Variants in ZNF124 observed in about 807,000 individuals in gnomAD.
The protein encoded by ZNF124 is zinc finger protein HZF-16.
A neutral mutation model predicts 26.6 loss-of-function variants in ZNF124; 25 were observed. The ratio of observed to expected loss-of-function variants is 0.94; its 90% CI spans 0.68 to 1.31. The LOEUF (loss-of-function observed/expected upper bound fraction) is 1.31. Among genes scored for constraint, ZNF124 ranks in the 40% most tolerant of loss-of-function variants. ZNF124 has a pLI of 0.00. For synonymous variants in ZNF124, 129 were observed against 133.3 expected (o/e 0.97, Z 0.22); for missense variants, 444 against 422.2 (o/e 1.05, Z -0.45).
chr1:247,150,620 G>T (rs969996635), downstream of ZNF124, among the ~76,000 whole-genome samples: 5 of 151,130 alleles, frequency 3.3e-5, no homozygotes, highest in Non-Finnish European at 5.9e-5. Context: ...AATAGAGAAA[G>T]ATTTCTTAAA....
rs1673125683 is a variant in ZNF124, at chr1:247,156,277, AGTTAT to A, written c.*284_*288del. Reference sequence around the variant, plus strand: ...CTTCATAAAGTTTTTCTCTAGAATGAGTTATGTTATACCATCAAATACCACTGGAA... The same window carrying A: ...CTTCATAAAGTTTTTCTCTAGAATGAGTTATACCATCAAATACCACTGGAA... On this transcript the variant is annotated 3_prime_UTR_variant, in exon 4 of 4. Transcript: ENST00000543802. 1 of 1,105,048 alleles carries A rather than the reference AGTTAT, an allele frequency of 9.0e-7. No individual in the cohort carries two copies. The highest frequency in any genetic ancestry group is 1.6e-5 in the African/African-American group (1 of 61,574). The allele number at this position is 1,105,048 out of a possible 1,614,324, so 68.5% of individuals were successfully genotyped here.
At chr1:247,146,895 A>AC (rs145031563) in intron 3 of ZNF124, among the ~76,000 whole-genome samples, 5,437 of 152,264 alleles carry the variant, frequency 0.036, 117 homozygotes, top group Non-Finnish European at 0.046. Flanking sequence ...TAGAACAGGT[A>AC]CCGGGGGGTA....
At chr1:247,154,063 C>CT, downstream of ZNF124, among the ~76,000 whole-genome samples, 1 of 152,290 alleles carries the variant, frequency 6.6e-6, no homozygotes, top group East Asian at 1.9e-4. Flanking sequence ...AGGCAACTGT[C>CT]TGAGATACCT....
At position 247,155,955 on chromosome 1, in the gene ZNF124, T is replaced by G; in HGVS notation, c.*611A>C. The stretch of plus-strand genomic sequence containing the variant: ...ACTCTCTTCAAAAATGAGCAACCAA[T>G]ATATTCAATTTATTTATAGCTCCTA... On this transcript the variant is annotated 3_prime_UTR_variant, in exon 4 of 4. Coordinates refer to ENST00000543802, the MANE Select transcript of ZNF124 (RefSeq NM_001297568.2). 2 of 939,474 alleles carry G rather than the reference T, an allele frequency of 2.1e-6. No individual in the cohort carries two copies. Among genetic ancestry groups the G allele is most frequent in the Non-Finnish European group, 2.5e-6 (2 of 789,840 alleles). The allele number at this position is 939,474 out of a possible 1,614,324, so 58.2% of individuals were successfully genotyped here. A position where few individuals can be genotyped will look rare whatever the true frequency, so the allele number is the denominator to read the frequency against.
At chr1:247,163,037 TA>T (rs1284358369) in intron 1 of ZNF124, among the ~76,000 whole-genome samples, 1 of 152,010 alleles carries the variant, frequency 6.6e-6, no homozygotes, top group Non-Finnish European at 1.5e-5. Flanking sequence ...CATTCAGCCA[TA>T]AAACAATCCT....
At chr1:247,139,958 A>T (rs1416507511) in intron 3 of ZNF124, among the ~76,000 whole-genome samples, 1 of 151,998 alleles carries the variant, frequency 6.6e-6, no homozygotes, top group Admixed American at 6.6e-5. Flanking sequence ...AAATCTGATT[A>T]TTGTGTGTCT....
At chr1:247,142,101 A>G (rs1366376216) in intron 3 of ZNF124, among the ~76,000 whole-genome samples, 1 of 152,224 alleles carries the variant, frequency 6.6e-6, no homozygotes, top group Non-Finnish European at 1.5e-5. Context: ...GGAGAAAGAT[A>G]GGACCAGCCC....
At chr1:247,144,552 T>C (rs1196726026) in intron 3 of ZNF124, among the ~76,000 whole-genome samples, 1 of 151,972 alleles carries the variant, frequency 6.6e-6, no homozygotes, top group African/African-American at 2.4e-5. Context: ...CGTAGCTTTA[T>C]ATTCCACTTT....
intron 3 of ZNF124, among the ~76,000 whole-genome samples, chr1:247,158,173 C>A (rs1673261787): frequency 6.6e-6 from 1 of 152,082 alleles, no homozygotes; most frequent in Non-Finnish European, 1.5e-5. Context: ...TCACTTGAAC[C>A]CGGGAGGCGG....
At chr1:247,135,985 T>C (rs1233039209) in intron 3 of ZNF124, among the ~76,000 whole-genome samples, 4 of 152,188 alleles carry the variant, frequency 2.6e-5, no homozygotes, top group Admixed American at 2.6e-4. Context: ...CATCCTCTCA[T>C]GTTAAAAACT....
intron 3 of ZNF124, among the ~76,000 whole-genome samples, chr1:247,136,572 A>G (rs1572061278): frequency 6.6e-6 from 1 of 152,244 alleles, no homozygotes; most frequent in Non-Finnish European, 1.5e-5. Flanking sequence ...ACACTGCCCA[A>G]AGTAATTTAC....
intron 3 of ZNF124, among the ~76,000 whole-genome samples, chr1:247,127,751 C>T (rs1052131993): frequency 6.7e-6 from 1 of 149,224 alleles, no homozygotes; most frequent in Admixed American, 6.9e-5. Flanking sequence ...TCACGCGGAC[C>T]CCCTTAGAGC....
intron 3 of ZNF124, among the ~76,000 whole-genome samples, chr1:247,145,489 C>T (rs7531763): frequency 0.48 from 72,194 of 151,920 alleles, 20,705 homozygotes; most frequent in African/African-American, 0.81. Flanking sequence ...GCCTCCCACA[C>T]TGTGAGACAA....
At chr1:247,137,243 C>T (rs1166289736) in intron 3 of ZNF124, among the ~76,000 whole-genome samples, 2 of 151,252 alleles carry the variant, frequency 1.3e-5, no homozygotes, top group Admixed American at 6.6e-5. Context: ...GAAAACTAGC[C>T]AGCCATATGC....
At chr1:247,148,118 T>A in intron 3 of ZNF124, among the ~76,000 whole-genome samples, 1 of 152,248 alleles carries the variant, frequency 6.6e-6, no homozygotes, top group East Asian at 1.9e-4. Context: ...CTTTGTGGAC[T>A]CCTCATTCTT....
At position 247,157,126 on chromosome 1, in the gene ZNF124, T is replaced by C. The variant is rs769348775; in HGVS notation, c.496A>G (p.Asn166Asp). 1.5e-5 allele frequency: 25 copies of C among 1,613,736 alleles called. No individual in the cohort carries two copies. In the South Asian group the frequency reaches 2.6e-4, roughly 17 times the overall value. ...GKALGFSRSL[N>D]RHKRIHTGEK... ...CCAGTGTGAATCCTTTTATGTCTAT[T>C]AAGAGAACGGGAAAAACCTAAGGCT... Residue 166 changes from asparagine to aspartate, a missense_variant, in exon 4 of 4, where the codon AAT becomes GAT. Transcript: ENST00000543802.
At chr1:247,162,659 G>T (rs987212231) in intron 1 of ZNF124, among the ~76,000 whole-genome samples, 2 of 144,372 alleles carry the variant, frequency 1.4e-5, no homozygotes, top group Non-Finnish European at 3.0e-5. Flanking sequence ...TCAAATTTCA[G>T]ATAAAACAGA....
chr1:247,159,651 C>T (rs1673358211), intron 2 of ZNF124, 36 bp downstream of exon 2: 2 of 1,598,494 alleles, frequency 1.3e-6, no homozygotes, highest in African/African-American at 2.7e-5. Context: ...CACTTACTTT[C>T]TGATTGACTA....
At chr1:247,133,963 T>TA (rs1672428392) in intron 3 of ZNF124, among the ~76,000 whole-genome samples, 1 of 152,118 alleles carries the variant, frequency 6.6e-6, no homozygotes, top group Non-Finnish European at 1.5e-5. Flanking sequence ...TCAACATTCT[T>TA]AAAGGAAAGA....
Sources: gnomAD v4.1 joint callset for allele counts (sites outside exome capture counted in the v4.1 genomes callset) on GRCh38, gnomAD v4.1.1 for gene constraint, MANE v1.5 for transcripts, NCBI Gene and HGNC (gene_info 2026-07-23, HGNC 2026-07-21) for gene names.